The following CHIC1 variants were observed in gnomAD, a reference collection of about 807,000 sequenced individuals.
CHIC1 encodes the protein cysteine rich hydrophobic domain 1, also known as cysteine-rich hydrophobic domain-containing protein 1.
In CHIC1, 7 loss-of-function variants were observed where a neutral mutation model predicts 18.5. That is an observed-to-expected ratio of 0.38 (90% CI 0.22 to 0.71). The LOEUF is 0.71. Among genes scored for constraint, CHIC1 ranks in the 30% least tolerant of loss-of-function variants. The pLI is 0.49. For missense variants in CHIC1, 159 were observed against 176.9 expected (o/e 0.90, Z 0.57); for synonymous variants, 77 against 73.5 (o/e 1.05, Z -0.25).
intron 3 of CHIC1, among the ~76,000 whole-genome samples, chrX:73,592,700 G>T (rs1326159054): frequency 9.1e-6 from 1 of 110,198 alleles, no homozygotes; most frequent in Non-Finnish European, 1.9e-5. Flanking sequence ...TTGGTATCAG[G>T]ATGATGCTGG....
chrX:73,679,747 T>A, intron 5 of CHIC1, 34 bp downstream of exon 5: 2 of 801,345 alleles, frequency 2.5e-6, no homozygotes, highest in Non-Finnish European at 1.7e-6. Context: ...TATTTTTTTA[T>A]TCATTCTAAA....
chrX:73,632,135 A>G (rs990688670), intron 3 of CHIC1, among the ~76,000 whole-genome samples: 2 of 112,232 alleles, frequency 1.8e-5, no homozygotes, highest in Admixed American at 9.4e-5. Context: ...TGGTTTATAA[A>G]TGTATATTTA....
chrX:73,620,895 T>C (rs1210777159), intron 3 of CHIC1, among the ~76,000 whole-genome samples: 1 of 111,548 alleles, frequency 9.0e-6, no homozygotes, highest in Non-Finnish European at 1.9e-5. Context: ...ATGTAAGGGG[T>C]CCAGTTTCAG....
Position 73,685,669 on chromosome X carries a change from A to G in CHIC1, c.*4664A>G, listed in dbSNP as rs1331143146. On this transcript the variant is annotated 3_prime_UTR_variant, in exon 6 of 6. Transcript: ENST00000373502. ...TCACAGGGGAATTGAGGATATTTTC[A>G]TATATTAGTGTGCTTTGAAGTTGAC... 2 of 111,604 alleles carry G rather than the reference A, an allele frequency of 1.8e-5. No individual in the cohort carries two copies. The highest frequency in any genetic ancestry group is 1.9e-4 in the Admixed American group (2 of 10,457). 9.2% of individuals were successfully genotyped at this position (111,604 alleles called of 1,213,427 possible). A position where few individuals can be genotyped will look rare whatever the true frequency, so the allele number is the denominator to read the frequency against.
intron 3 of CHIC1, among the ~76,000 whole-genome samples, chrX:73,596,533 A>G (rs1448890431): frequency 8.9e-6 from 1 of 111,849 alleles, no homozygotes; most frequent in Non-Finnish European, 1.9e-5. Context: ...ACTACTTTAA[A>G]TTTCATATAG....
intron 1 of CHIC1, 133 bp from the exon 2 acceptor site, chrX:73,577,274 A>C (rs771347051): frequency 2.9e-5 from 11 of 382,645 alleles, no homozygotes; most frequent in African/African-American, 1.0e-4. Context: ...ATGTCATATA[A>C]AAATTTTTCA....
chrX:73,599,977 C>T (rs1270996109), intron 3 of CHIC1, among the ~76,000 whole-genome samples: 19 of 97,126 alleles, frequency 2.0e-4, no homozygotes, highest in Non-Finnish European at 3.0e-4. Flanking sequence ...ATGGAATGTT[C>T]TTCCATTTGT....
At chrX:73,630,340 C>T (rs1446315427) in intron 3 of CHIC1, among the ~76,000 whole-genome samples, 1 of 111,391 alleles carries the variant, frequency 9.0e-6, no homozygotes, top group Admixed American at 9.6e-5. Context: ...TTGTCTTATT[C>T]CTCAGGATTT....
intron 3 of CHIC1, among the ~76,000 whole-genome samples, chrX:73,676,155 G>T (rs765456622): frequency 1.8e-5 from 2 of 111,907 alleles, no homozygotes; most frequent in South Asian, 7.6e-4. Flanking sequence ...CTCTCTGGCT[G>T]CCCTTAACAT....
At chrX:73,665,856 C>T (rs951693637) in intron 3 of CHIC1, among the ~76,000 whole-genome samples, 2 of 111,671 alleles carry the variant, frequency 1.8e-5, no homozygotes, top group African/African-American at 3.3e-5. Context: ...CCAACAGCCA[C>T]GGCCCTGACA....
chrX:73,637,384 G>A (rs1353265688), intron 3 of CHIC1, among the ~76,000 whole-genome samples: 1 of 104,907 alleles, frequency 9.5e-6, no homozygotes, highest in Non-Finnish European at 1.9e-5. Flanking sequence ...GGACATCATT[G>A]AGCTTGGATT....
At chrX:73,637,145 A>G (rs1464923424) in intron 3 of CHIC1, among the ~76,000 whole-genome samples, 1 of 111,192 alleles carries the variant, frequency 9.0e-6, no homozygotes, top group Non-Finnish European at 1.9e-5. Flanking sequence ...TTTGCTGCAT[A>G]TGGAATTCTA....
chrX:73,649,669 G>C (rs2057906279), intron 3 of CHIC1, among the ~76,000 whole-genome samples: 1 of 111,754 alleles, frequency 8.9e-6, no homozygotes, highest in Non-Finnish European at 1.9e-5. Flanking sequence ...ACCCAATAAA[G>C]GAACACCCAG....
intron 3 of CHIC1, among the ~76,000 whole-genome samples, chrX:73,606,952 C>T (rs1214458341): frequency 9.2e-6 from 1 of 108,905 alleles, no homozygotes; most frequent in Non-Finnish European, 1.9e-5. Context: ...TCAGGAGGCA[C>T]GGTTGTCAGG....
At chrX:73,643,171 T>C (rs1049811486) in intron 3 of CHIC1, among the ~76,000 whole-genome samples, 2 of 111,912 alleles carry the variant, frequency 1.8e-5, no homozygotes, top group African/African-American at 3.3e-5. Context: ...AAAATCCTTT[T>C]CTTTGAGAAT....
intron 3 of CHIC1, among the ~76,000 whole-genome samples, chrX:73,667,547 G>A (rs754848687): frequency 9.0e-6 from 1 of 111,601 alleles, no homozygotes; most frequent in Admixed American, 9.5e-5. Context: ...GAAGTCTGGA[G>A]GTAACAAATT....
At chrX:73,563,752 G>T (rs745696527) in intron 1 of CHIC1, among the ~76,000 whole-genome samples, 172 bp downstream of exon 1, 1 of 111,105 alleles carries the variant, frequency 9.0e-6, no homozygotes, top group Admixed American at 9.5e-5. Flanking sequence ...ACGTGTGAAG[G>T]AAGTGAGGAG....
At position 73,609,171 on chromosome X, in the gene CHIC1, A is replaced by T. The variant is rs776023780; in HGVS notation, c.507+24599A>T. ...CACCATCTCTAAAAAAAAAAAAAAA[A>T]GTTTAGATGCTTTTTATTAATTTTT... On this transcript the variant is annotated intron_variant, in intron 3 of 5. Coordinates refer to ENST00000373502, the MANE Select transcript of CHIC1 (RefSeq NM_001039840.4). Among the ~76,000 whole-genome samples the T allele has an allele frequency of 1.8e-4, 19 of 103,766 alleles. 2 individuals are homozygous for T. Among genetic ancestry groups the T allele is most frequent in the African/African-American group, 7.1e-4 (18 of 25,530 alleles). 90.1% of individuals were successfully genotyped at this position (103,766 alleles called of 115,157 possible).
intron 3 of CHIC1, among the ~76,000 whole-genome samples, chrX:73,674,961 C>T (rs1366494870): frequency 1.8e-5 from 2 of 111,914 alleles, no homozygotes; most frequent in East Asian, 5.6e-4. Flanking sequence ...TTTCAAAGAA[C>T]ATCTTTATTT....
Sources: gnomAD v4.1 joint callset for allele counts (sites outside exome capture counted in the v4.1 genomes callset) on GRCh38, gnomAD v4.1.1 for gene constraint, MANE v1.5 for transcripts, NCBI Gene and HGNC (gene_info 2026-07-23, HGNC 2026-07-21) for gene names.